XNDC1N: variants seen among roughly 807,000 people sequenced by gnomAD.
The protein encoded by XNDC1N is XRCC1 N-terminal domain containing 1, N-terminal like.
At chr11:71,923,558 T>C in the XNDC1N span, 1 of 472,082 alleles carries the variant, frequency 2.1e-6, no homozygotes, top group East Asian at 3.2e-5. Context: ...CATTTCTGTT[T>C]TGTTTTTTTT....
At chr11:71,907,953 C>T in the XNDC1N span, among the ~76,000 whole-genome samples, 2,519 of 152,234 alleles carry the variant, frequency 0.017, 70 homozygotes, top group African/African-American at 0.058. Context: ...CGGGTGGATG[C>T]ACACTCAGTG....
chr11:71,875,396 A>T, the XNDC1N span, among the ~76,000 whole-genome samples: 5 of 152,064 alleles, frequency 3.3e-5, no homozygotes, highest in East Asian at 9.6e-4. Flanking sequence ...TTTTACATGA[A>T]ATAATATTTA....
the XNDC1N span, among the ~76,000 whole-genome samples, chr11:71,885,940 TTTTAAAAATA>T: frequency 6.6e-6 from 1 of 151,506 alleles, no homozygotes; most frequent in South Asian, 2.1e-4. Context: ...CGGTATTGAT[TTTTAAAAATA>T]TTATGGGTTA....
At chr11:71,912,996 A>G in the XNDC1N span, among the ~76,000 whole-genome samples, 8 of 152,186 alleles carry the variant, frequency 5.3e-5, no homozygotes, top group East Asian at 9.7e-4. Flanking sequence ...TCCCCTGCAC[A>G]TTAGGAAGGG....
the XNDC1N span, among the ~76,000 whole-genome samples, chr11:71,919,621 G>GTT: frequency 4.1e-4 from 11 of 27,010 alleles, 1 homozygote; most frequent in African/African-American, 7.6e-4. Context: ...TTTTTTGTTT[G>GTT]TTTTTTTTTT....
At chr11:71,888,802 C>A in the XNDC1N span, among the ~76,000 whole-genome samples, 4 of 152,204 alleles carry the variant, frequency 2.6e-5, no homozygotes, top group Admixed American at 6.5e-5. Context: ...CACTCACCGA[C>A]TACCAGACTT....
the XNDC1N span, chr11:71,917,112 C>T: frequency 3.3e-6 from 1 of 298,594 alleles, no homozygotes; most frequent in Non-Finnish European, 6.4e-6. Context: ...CTCCCAGGTT[C>T]AAGCAATTCT....
At chr11:71,907,421 G>A in the XNDC1N span, among the ~76,000 whole-genome samples, 1 of 150,258 alleles carries the variant, frequency 6.7e-6, no homozygotes, top group Non-Finnish European at 1.5e-5. Flanking sequence ...CCCATCGCAG[G>A]GGGGCGAGGA....
chr11:71,902,339 A>G, the XNDC1N span, among the ~76,000 whole-genome samples: 1 of 152,154 alleles, frequency 6.6e-6, no homozygotes, highest in Non-Finnish European at 1.5e-5. Context: ...CTACAGGCGC[A>G]CGCCGCCATA....
At chr11:71,909,703 G>T in the XNDC1N span, among the ~76,000 whole-genome samples, 83 of 152,270 alleles carry the variant, frequency 5.5e-4, no homozygotes, top group African/African-American at 1.9e-3. Flanking sequence ...AGCCACGGGG[G>T]TTTCAGCAAA....
At chr11:71,927,010 G>A in the XNDC1N span, among the ~76,000 whole-genome samples, 1 of 152,208 alleles carries the variant, frequency 6.6e-6, no homozygotes, top group Non-Finnish European at 1.5e-5. Context: ...AACACTTTGG[G>A]AGGCGGAGGC....
At chr11:71,867,410 GA>G in the XNDC1N span, among the ~76,000 whole-genome samples, 1 of 152,174 alleles carries the variant, frequency 6.6e-6, no homozygotes. Context: ...ACTGCTTTGA[GA>G]AGGCAGGCCC....
chr11:71,923,302 A>T, the XNDC1N span: 1 of 702,934 alleles, frequency 1.4e-6, no homozygotes, highest in African/African-American at 1.7e-5. Flanking sequence ...CCTGCTGATT[A>T]ATATACCTGA....
the XNDC1N span, among the ~76,000 whole-genome samples, chr11:71,906,152 C>A: frequency 6.6e-6 from 1 of 151,490 alleles, no homozygotes; most frequent in African/African-American, 2.4e-5. Context: ...GAGTGACATC[C>A]CCCTGGAGGA....
At chr11:71,896,208 G>A in the XNDC1N span, among the ~76,000 whole-genome samples, 3 of 152,246 alleles carry the variant, frequency 2.0e-5, no homozygotes, top group South Asian at 2.1e-4. Flanking sequence ...GAACTCAGGA[G>A]GCGGAGCTTG....
At chr11:71,884,960 G>A in the XNDC1N span, among the ~76,000 whole-genome samples, 2 of 151,616 alleles carry the variant, frequency 1.3e-5, no homozygotes, top group Non-Finnish European at 2.9e-5. Context: ...AGCCCCCCAC[G>A]ATGCAGGGAG....
At chr11:71,884,982 C>T in the XNDC1N span, among the ~76,000 whole-genome samples, 3,851 of 152,144 alleles carry the variant, frequency 0.025, 55 homozygotes, top group East Asian at 0.076. Flanking sequence ...AAGAGCCAGC[C>T]CCTCTTGCCC....
the XNDC1N span, among the ~76,000 whole-genome samples, chr11:71,889,901 C>G: frequency 6.6e-6 from 1 of 152,156 alleles, no homozygotes; most frequent in South Asian, 2.1e-4. Context: ...CGTGAAGTAA[C>G]CCCTGTGCTT....
At chr11:71,917,550 G>T in the XNDC1N span, 1 of 703,506 alleles carries the variant, frequency 1.4e-6, no homozygotes. Flanking sequence ...AGCACTCACA[G>T]TCCTCTTTAG....
Sources: allele counts gnomAD v4.1 joint callset (sites outside exome capture counted in the v4.1 genomes callset), GRCh38; gene constraint gnomAD v4.1.1; transcripts MANE v1.5; gene names NCBI Gene and HGNC (gene_info 2026-07-23, HGNC 2026-07-21).